RASA3: variants seen among roughly 807,000 people sequenced by gnomAD.
RASA3 encodes the protein ras GTPase-activating protein 3.
Under a neutral mutation model 110.0 loss-of-function variants are expected in RASA3, and 73 were observed. The observed-to-expected ratio is 0.66, with a 90% CI of 0.55 to 0.81. The LOEUF (loss-of-function observed/expected upper bound fraction) is 0.81. Ranked by LOEUF, RASA3 falls within the 30% of genes least tolerant of loss-of-function variation. The pLI, the probability that RASA3 is intolerant of heterozygous loss-of-function variation, is 0.00. For synonymous variants in RASA3, 500 were observed against 451.4 expected (o/e 1.11, Z -1.37); for missense variants, 976 against 1,113.2 (o/e 0.88, Z 1.75).
chr13:114,078,840 C>T (rs1301390400), intron 1 of RASA3, among the ~76,000 whole-genome samples: 1 of 152,200 alleles, frequency 6.6e-6, no homozygotes, highest in Non-Finnish European at 1.5e-5. Context: ...GAGGCCCACA[C>T]AGGGTCTCCA....
chr13:114,024,226 A>G, intron 8 of RASA3, 53 bp downstream of exon 8: 11 of 1,486,492 alleles, frequency 7.4e-6, no homozygotes, highest in Non-Finnish European at 1.0e-5. Flanking sequence ...AAAAGAGCTG[A>G]GGAGTTTGGG....
Position 114,101,753 on chromosome 13 carries a change from C to G in RASA3, c.56-27916G>C, listed in dbSNP as rs116317831. Among the ~76,000 whole-genome samples the G allele has an allele frequency of 7.6e-3, 1,155 of 152,290 alleles. 12 individuals are homozygous for G. Among genetic ancestry groups the G allele is most frequent in the African/African-American group, 0.026 (1,098 of 41,556 alleles). ...TCTCCCTTAACTGCTGTGGCTGCAC[C>G]CGGGGTCCTGGGGGTGAGAGGCTTG... is the stretch of plus-strand genomic sequence containing the variant. On this transcript the variant is annotated intron_variant, in intron 1 of 23. Transcript: ENST00000334062.
chr13:114,021,751 C>A (rs923561153), intron 8 of RASA3, among the ~76,000 whole-genome samples: 1 of 152,198 alleles, frequency 6.6e-6, no homozygotes, highest in African/African-American at 2.4e-5. Context: ...GCCATGGGCC[C>A]GGACTCAGAC....
rs769319468 is a variant in RASA3 at position 114,018,209 on chromosome 13, C to T, written c.986G>A (p.Arg329Gln). Reference protein sequence around the residue: ...SAAHILGEVCREKQEAAVPLV... With the variant: ...SAAHILGEVCQEKQEAAVPLV... ...CGGGACGGCCGCCTCCTGCTTCTCCCGGCAAACCTCGCCCAGGATGTGGGC... is the reference window on the plus strand; with the variant it reads ...CGGGACGGCCGCCTCCTGCTTCTCCTGGCAAACCTCGCCCAGGATGTGGGC... The change falls in exon 11 of 24, where the codon CGG (arginine) becomes CAG (glutamine). Residue 329 changes from arginine to glutamine, a missense_variant. Transcript: ENST00000334062. The T allele has an allele frequency of 1.2e-5, 19 of 1,553,420 alleles. No individual in the cohort carries two copies. Among genetic ancestry groups the T allele is most frequent in the Admixed American group, 3.9e-5 (2 of 51,634 alleles).
At chr13:114,026,965 A>G (rs1415784931) in intron 7 of RASA3, among the ~76,000 whole-genome samples, 1 of 152,086 alleles carries the variant, frequency 6.6e-6, no homozygotes, top group African/African-American at 2.4e-5. Context: ...AACCCTGCCT[A>G]TTTCCACTGG....
intron 4 of RASA3, among the ~76,000 whole-genome samples, chr13:114,031,352 TCTG>T (rs1426919269): frequency 1.3e-5 from 2 of 151,814 alleles, no homozygotes; most frequent in Non-Finnish European, 2.9e-5. Context: ...TGTGTGTCCT[TCTG>T]TGTGTGTGTG....
chr13:114,022,394 G>C (rs1241003829), intron 8 of RASA3, among the ~76,000 whole-genome samples: 1 of 152,210 alleles, frequency 6.6e-6, no homozygotes, highest in Admixed American at 6.5e-5. Flanking sequence ...TGAAACACCT[G>C]AAGTCATGCG....
intron 23 of RASA3, among the ~76,000 whole-genome samples, chr13:113,980,716 T>C (rs896465526): frequency 1.3e-5 from 2 of 152,020 alleles, no homozygotes; most frequent in African/African-American, 4.8e-5. Flanking sequence ...ACTCAGGAGG[T>C]GTTGCAGGCT....
Position 114,014,741 on chromosome 13 carries a change from C to T in RASA3, c.1405+468G>A, listed in dbSNP as rs1328244642. Among the ~76,000 whole-genome samples, 14 of 152,002 alleles carry T rather than the reference C, an allele frequency of 9.2e-5. No homozygotes were observed. The highest frequency in any genetic ancestry group is 2.1e-4 in the South Asian group (1 of 4,824). On this transcript the variant is annotated intron_variant, in intron 14 of 23. Transcript: ENST00000334062. The surrounding 1 kb of genome is among the most constrained non-coding windows in gnomAD (Gnocchi z 4.5). ...AGCTCCCCCAGGGGTCCTGTCTCTT[C>T]GAAGACACGGGCAGGCAGAGCCCCC...
intron 20 of RASA3, 75 bp from the exon 21 acceptor site, chr13:113,996,814 C>CT: frequency 7.5e-7 from 1 of 1,325,610 alleles, no homozygotes; most frequent in Non-Finnish European, 1.1e-6. Flanking sequence ...CCACCAGGCA[C>CT]CTGGCCGTCC....
At chr13:114,049,182 G>A (rs1439924818) in intron 3 of RASA3, among the ~76,000 whole-genome samples, 2 of 152,132 alleles carry the variant, frequency 1.3e-5, no homozygotes, top group Non-Finnish European at 2.9e-5. Context: ...GCGGCTGCTA[G>A]AAACGAGAAC....
intron 23 of RASA3, among the ~76,000 whole-genome samples, chr13:113,980,003 G>A (rs561136092): frequency 2.3e-5 from 3 of 131,740 alleles, no homozygotes; most frequent in Non-Finnish European, 4.8e-5. Flanking sequence ...GCACCCCTCC[G>A]TGTGTACACC....
rs112395697 is a variant in RASA3, at chr13:114,000,786, C to G, written c.1849+40G>C. The G allele has an allele frequency of 3.8e-4, 545 of 1,428,244 alleles. 1 individual carries two copies. In the African/African-American group the frequency reaches 6.7e-3, roughly 17 times the overall value. The allele number at this position is 1,428,244 out of a possible 1,614,324, so 88.5% of individuals were successfully genotyped here. ...GCAGACTCAGTCCCAGGGCCCAGCA[C>G]GCTCCAGCAAGAGCCAGGGAAAGCG... On this transcript the variant is annotated intron_variant, in intron 19 of 23. Coordinates refer to ENST00000334062, the MANE Select transcript of RASA3 (RefSeq NM_007368.4).
intron 1 of RASA3, among the ~76,000 whole-genome samples, chr13:114,113,613 C>T (rs941443935): frequency 1.4e-5 from 2 of 143,062 alleles, no homozygotes; most frequent in Non-Finnish European, 3.1e-5. Flanking sequence ...TCAATCCACC[C>T]ACCACGGCGA....
At chr13:114,125,215 A>T (rs1351007095) in intron 1 of RASA3, among the ~76,000 whole-genome samples, 1 of 152,198 alleles carries the variant, frequency 6.6e-6, no homozygotes, top group African/African-American at 2.4e-5. Context: ...CACATGACAT[A>T]ATCACCGTTT....
intron 1 of RASA3, among the ~76,000 whole-genome samples, chr13:114,102,700 G>T (rs2080075352): frequency 6.6e-6 from 1 of 152,174 alleles, no homozygotes; most frequent in South Asian, 2.1e-4. Context: ...CAAGGCTGCG[G>T]CGTCACTGCC....
At chr13:114,098,257 G>A (rs1325395065) in intron 1 of RASA3, among the ~76,000 whole-genome samples, 2 of 152,142 alleles carry the variant, frequency 1.3e-5, no homozygotes, top group African/African-American at 2.4e-5. Context: ...AAAATCAAAC[G>A]GGAGGCCATG....
intron 4 of RASA3, among the ~76,000 whole-genome samples, chr13:114,034,849 CT>C (rs1419243877): frequency 6.6e-6 from 1 of 152,210 alleles, no homozygotes; most frequent in Non-Finnish European, 1.5e-5. Flanking sequence ...GGAGGGGAAT[CT>C]GGAGTGCCGG....
chr13:114,069,702 G>A (rs9525370), intron 2 of RASA3, among the ~76,000 whole-genome samples: 618 of 7,452 alleles, frequency 0.083, 105 homozygotes, highest in African/African-American at 0.33. Context: ...CAGGAGACTC[G>A]GGGGGCCAGG....
Sources: allele counts gnomAD v4.1 joint callset (sites outside exome capture counted in the v4.1 genomes callset), GRCh38; gene constraint gnomAD v4.1.1; non-coding constraint Gnocchi (gnomAD v3.1); transcripts MANE v1.5; gene names NCBI Gene and HGNC (gene_info 2026-07-23, HGNC 2026-07-21).